The following KCNS3 variants were observed in gnomAD, a reference collection of about 807,000 sequenced individuals.
KCNS3 encodes delayed-rectifier potassium channel regulatory subunit KCNS3.
A neutral mutation model predicts 31.0 loss-of-function variants in KCNS3; 13 were observed. The observed-to-expected ratio is 0.42, with a 90% CI of 0.27 to 0.67. The LOEUF is 0.67. Ranked by LOEUF, KCNS3 falls within the 30% of genes least tolerant of loss-of-function variation. KCNS3 has a pLI of 0.25. For synonymous variants in KCNS3, 238 were observed against 241.5 expected (o/e 0.99, Z 0.13); for missense variants, 545 against 622.4 (o/e 0.88, Z 1.32).
intron 1 of KCNS3, among the ~76,000 whole-genome samples, chr2:17,900,384 T>C (rs561571679): frequency 6.6e-6 from 1 of 152,164 alleles, no homozygotes; most frequent in East Asian, 1.9e-4. Flanking sequence ...TGGGGTTGGT[T>C]CTGGAGAATA....
chr2:17,890,790 G>A (rs187950514), intron 1 of KCNS3, among the ~76,000 whole-genome samples: 18 of 152,192 alleles, frequency 1.2e-4, no homozygotes, highest in Admixed American at 4.6e-4. Context: ...GTTTGAGAGA[G>A]TGCTTCACAT....
intron 1 of KCNS3, among the ~76,000 whole-genome samples, chr2:17,904,360 C>T (rs1461388681): frequency 1.3e-5 from 2 of 152,092 alleles, no homozygotes; most frequent in Non-Finnish European, 2.9e-5. Context: ...TGGATATTAG[C>T]CCTTTGTCAG....
At chr2:17,906,106 G>T (rs111321676) in intron 1 of KCNS3, among the ~76,000 whole-genome samples, 4 of 152,054 alleles carry the variant, frequency 2.6e-5, no homozygotes, top group Non-Finnish European at 4.4e-5. Flanking sequence ...TTTTTTGGTT[G>T]GTAGGCTATT....
At chr2:17,884,268 A>AAAAAAT (rs1459540269) in intron 1 of KCNS3, among the ~76,000 whole-genome samples, 4 of 46,678 alleles carry the variant, frequency 8.6e-5, no homozygotes, top group African/African-American at 2.3e-4. Context: ...AAAAAAAAAA[A>AAAAAAT]ATATATATAT....
intron 1 of KCNS3, among the ~76,000 whole-genome samples, chr2:17,883,823 A>G (rs1674696501): frequency 6.6e-6 from 1 of 152,150 alleles, no homozygotes. Flanking sequence ...TTATTGCGGC[A>G]CTATTCACAA....
upstream of KCNS3, chr2:17,877,977 C>T (rs535254410): frequency 1.3e-5 from 2 of 152,242 alleles, no homozygotes; most frequent in South Asian, 2.1e-4. Flanking sequence ...AAAGGGGACC[C>T]GACTGGTTCC....
intron 1 of KCNS3, among the ~76,000 whole-genome samples, chr2:17,907,836 G>C (rs1332199813): frequency 2.6e-5 from 4 of 152,224 alleles, no homozygotes; most frequent in African/African-American, 9.6e-5. Flanking sequence ...TCCGCTGTTA[G>C]TCTGATGGGT....
intron 1 of KCNS3, among the ~76,000 whole-genome samples, chr2:17,881,877 A>AT (rs1268954434): frequency 6.6e-6 from 1 of 152,124 alleles, no homozygotes; most frequent in East Asian, 1.9e-4. Context: ...GCAAAATATT[A>AT]TTTTTGCCTT....
At chr2:17,912,488 C>T (rs1662493658) in intron 1 of KCNS3, among the ~76,000 whole-genome samples, 2 of 152,184 alleles carry the variant, frequency 1.3e-5, no homozygotes, top group Non-Finnish European at 2.9e-5. Flanking sequence ...TCAGAGTGAC[C>T]CTAGAGCCCT....
At chr2:17,918,392 C>A (rs1257897378) in intron 2 of KCNS3, among the ~76,000 whole-genome samples, 2 of 152,158 alleles carry the variant, frequency 1.3e-5, no homozygotes, top group African/African-American at 4.8e-5. Flanking sequence ...TTTCCAGGTT[C>A]TCCTGGGAAG....
chr2:17,885,817 C>G (rs1226684664), intron 1 of KCNS3, among the ~76,000 whole-genome samples: 1 of 152,184 alleles, frequency 6.6e-6, no homozygotes, highest in African/African-American at 2.4e-5. Flanking sequence ...TGTCTGGGCA[C>G]CCTGTGACCC....
upstream of KCNS3, among the ~76,000 whole-genome samples, chr2:17,878,233 G>T (rs1674550790): frequency 6.6e-6 from 1 of 152,138 alleles, no homozygotes; most frequent in Non-Finnish European, 1.5e-5. Flanking sequence ...GTGTCGCTTG[G>T]GCCGCGACTT....
At chr2:17,890,882 A>C (rs1272429647) in intron 1 of KCNS3, among the ~76,000 whole-genome samples, 1 of 152,132 alleles carries the variant, frequency 6.6e-6, no homozygotes, top group Non-Finnish European at 1.5e-5. Context: ...CATGCATTGA[A>C]TAGAACGTGT....
intron 1 of KCNS3, among the ~76,000 whole-genome samples, chr2:17,891,025 C>T (rs1181395506): frequency 6.6e-6 from 1 of 152,024 alleles, no homozygotes; most frequent in Non-Finnish European, 1.5e-5. Context: ...AGTAGAGTAT[C>T]GATGTCCCCT....
At chr2:17,889,023 G>T (rs1361805336) in intron 1 of KCNS3, among the ~76,000 whole-genome samples, 1 of 152,006 alleles carries the variant, frequency 6.6e-6, no homozygotes, top group Non-Finnish European at 1.5e-5. Context: ...TTGGCAGTAT[G>T]GTCATTTTCA....
chr2:17,931,842 G>C lies in KCNS3; in HGVS notation c.834G>C (p.Glu278Asp), dbSNP rs1416383471. The change falls in exon 3 of 3, where the codon GAG becomes GAC. Residue 278 changes from glutamate (E) to aspartate (D), a missense_variant. Glu to Asp is a conservative substitution (Grantham distance 45, BLOSUM62 2). Transcript: ENST00000304101. This position sits in a 1 kb window ranked among gnomAD's most constrained non-coding sequence, Gnocchi z 5.4. ...TGGCTGTAGACACCAAGGAGGAAGAGAGTGAGGATATTGAGAACATGGGCA... is the reference window on the plus strand; with the variant it reads ...TGGCTGTAGACACCAAGGAGGAAGACAGTGAGGATATTGAGAACATGGGCA... ...ATLAVDTKEE[E>D]SEDIENMGKV... is the part of the protein sequence containing the mutation. 1.2e-6 allele frequency: 2 copies of C among 1,614,210 alleles called. No homozygotes were observed. The highest frequency in any genetic ancestry group is 1.7e-6 in the Non-Finnish European group (2 of 1,180,042).
intron 1 of KCNS3, among the ~76,000 whole-genome samples, chr2:17,910,728 C>T (rs374033454): frequency 1.4e-4 from 21 of 151,840 alleles, no homozygotes; most frequent in South Asian, 2.1e-4. Flanking sequence ...TCAGGAGGCC[C>T]GAGGTGTGGT....
Position 17,908,900 on chromosome 2 carries a change from G to A in KCNS3, c.-251-8780G>A, listed in dbSNP as rs573246358. ...GGGGTGCCTCCCAGATAGGCTGCTCGGGGGTCAGGGACTCACTTGAGGAGG... is the reference window on the plus strand; with the variant it reads ...GGGGTGCCTCCCAGATAGGCTGCTCAGGGGTCAGGGACTCACTTGAGGAGG... On this transcript the variant is annotated intron_variant, in intron 1 of 2. Transcript: ENST00000304101. Among the ~76,000 whole-genome samples, 125 of 152,286 alleles carry A rather than the reference G, an allele frequency of 8.2e-4. 1 individual carries two copies. Among genetic ancestry groups the A allele is most frequent in the East Asian group, 3.9e-4 (2 of 5,180 alleles).
intron 1 of KCNS3, among the ~76,000 whole-genome samples, chr2:17,902,583 G>A (rs7583266): frequency 0.69 from 105,016 of 152,064 alleles, 37,001 homozygotes; most frequent in East Asian, 0.96. Context: ...ACATCTATGC[G>A]AAGACAGCCC....
Sources: allele counts gnomAD v4.1 joint callset (sites outside exome capture counted in the v4.1 genomes callset), GRCh38; gene constraint gnomAD v4.1.1; non-coding constraint Gnocchi (gnomAD v3.1); transcripts MANE v1.5; gene names NCBI Gene and HGNC (gene_info 2026-07-23, HGNC 2026-07-21).